The following CPVL variants were observed in gnomAD, a reference collection of about 807,000 sequenced individuals.
CPVL encodes the protein probable serine carboxypeptidase CPVL.
Under a neutral mutation model 63.7 loss-of-function variants are expected in CPVL, and 51 were observed. The observed-to-expected ratio is 0.80, with a 90% CI of 0.64 to 1.01. CPVL has a LOEUF of 1.01. Ranked by LOEUF, CPVL falls within the 50% of genes least tolerant of loss-of-function variation. The pLI, the probability that CPVL is intolerant of heterozygous loss-of-function variation, is 0.00. For missense variants in CPVL, 530 were observed against 573.1 expected (o/e 0.92, Z 0.77); for synonymous variants, 195 against 206.0 (o/e 0.95, Z 0.46).
chr7:29,155,514 T>G (rs1487294087), intron 5 of CPVL, among the ~76,000 whole-genome samples: 3 of 152,160 alleles, frequency 2.0e-5, no homozygotes, highest in Non-Finnish European at 4.4e-5. Flanking sequence ...ATAGAGATGT[T>G]CAAACATGTG....
chr7:29,176,364 GA>G (rs979527259), intron 5 of CPVL, among the ~76,000 whole-genome samples: 3 of 150,620 alleles, frequency 2.0e-5, no homozygotes, highest in Admixed American at 6.6e-5. Context: ...AGAGGAAAAA[GA>G]AAAAAAAATG....
intron 1 of CPVL, among the ~76,000 whole-genome samples, chr7:29,143,513 G>A (rs967886061): frequency 1.6e-4 from 25 of 152,250 alleles, no homozygotes; most frequent in Non-Finnish European, 2.6e-4. Flanking sequence ...CTTGGGACCT[G>A]GGTTACATTC....
At chr7:29,008,967 G>A (rs1785498250) in intron 12 of CPVL, 1 of 151,990 alleles carries the variant, frequency 6.6e-6, no homozygotes, top group African/African-American at 2.4e-5. Context: ...TTATTTACTT[G>A]CTGCTTCTTA....
intron 3 of CPVL, among the ~76,000 whole-genome samples, chr7:29,103,693 A>G (rs1282088366): frequency 6.6e-6 from 1 of 152,188 alleles, no homozygotes; most frequent in Non-Finnish European, 1.5e-5. Flanking sequence ...GACTGGTTAC[A>G]TATCCCTAGC....
rs137876376 is a variant in CPVL, at chr7:29,136,276, T to C, written c.-11+10153A>G. 1.9e-3 allele frequency among the ~76,000 whole-genome samples: 282 copies of C among 152,214 alleles called. 1 individual carries two copies. The highest frequency in any genetic ancestry group is 5.8e-3 in the African/African-American group (241 of 41,540). ...GAAGTTATAAGAGTGATAGAGAAAA[T>C]AGAACAATCCAAAGAGGAAATTTTT... is the stretch of plus-strand genomic sequence containing the variant. On this transcript the variant is annotated intron_variant, in intron 1 of 12. Coordinates refer to ENST00000265394, the MANE Select transcript of CPVL (RefSeq NM_031311.5).
intron 12 of CPVL, among the ~76,000 whole-genome samples, chr7:29,014,972 T>C (rs1219907574): frequency 6.6e-6 from 1 of 152,260 alleles, no homozygotes; most frequent in Non-Finnish European, 1.5e-5. Flanking sequence ...CTGTCATTCC[T>C]TCTGTGGACT....
intron 8 of CPVL, 60 bp downstream of exon 8, chr7:29,072,241 G>A (rs755123714): frequency 2.1e-4 from 329 of 1,584,404 alleles, no homozygotes; most frequent in Non-Finnish European, 2.8e-4. Flanking sequence ...CCTTCCATCT[G>A]ATAAAAAGGC....
chr7:29,176,759 G>A (rs571971564), intron 5 of CPVL, among the ~76,000 whole-genome samples: 1 of 152,206 alleles, frequency 6.6e-6, no homozygotes, highest in Admixed American at 6.5e-5. Flanking sequence ...CTAACTTCTG[G>A]TGTTTAAAAA....
At chr7:29,155,344 A>C (rs906310067) in intron 5 of CPVL, among the ~76,000 whole-genome samples, 3 of 152,254 alleles carry the variant, frequency 2.0e-5, no homozygotes. Context: ...GCTAAGAGGA[A>C]AGACAAGGCT....
At chr7:29,176,132 G>A (rs750697713) in intron 5 of CPVL, among the ~76,000 whole-genome samples, 5 of 151,768 alleles carry the variant, frequency 3.3e-5, no homozygotes, top group African/African-American at 9.7e-5. Flanking sequence ...CTTACAGTGA[G>A]CCAAGATCGC....
intron 11 of CPVL, among the ~76,000 whole-genome samples, chr7:29,045,452 A>G (rs1194066543): frequency 6.6e-6 from 1 of 152,214 alleles, no homozygotes; most frequent in African/African-American, 2.4e-5. Context: ...GTTACATAAA[A>G]TAAATGTCCT....
intron 5 of CPVL, among the ~76,000 whole-genome samples, chr7:29,168,638 C>T (rs1017046896): frequency 1.3e-5 from 2 of 152,196 alleles, no homozygotes; most frequent in Non-Finnish European, 2.9e-5. Context: ...ATCCCCCAAC[C>T]TGTATAGGCT....
At chr7:29,130,402 T>C (rs1790562999) in intron 1 of CPVL, among the ~76,000 whole-genome samples, 2 of 152,226 alleles carry the variant, frequency 1.3e-5, no homozygotes, top group Admixed American at 1.3e-4. Context: ...TTTTATAATA[T>C]AGACAGATTT....
At chr7:29,114,300 A>G (rs1211882757) in intron 2 of CPVL, among the ~76,000 whole-genome samples, 1 of 152,148 alleles carries the variant, frequency 6.6e-6, no homozygotes, top group African/African-American at 2.4e-5. Context: ...TCTCATTCCC[A>G]CTTTACAGAT....
intron 9 of CPVL, among the ~76,000 whole-genome samples, chr7:29,070,055 C>T (rs1047759529): frequency 6.6e-6 from 1 of 152,126 alleles, no homozygotes; most frequent in African/African-American, 2.4e-5. Flanking sequence ...GTTTACTGTC[C>T]TAAGTATCAT....
At chr7:29,095,008 T>C in intron 5 of CPVL, 76 bp downstream of exon 5, 1 of 1,002,730 alleles carries the variant, frequency 1.0e-6, no homozygotes, top group Non-Finnish European at 1.5e-6. Flanking sequence ...ATTTTTTAAA[T>C]GTACTTAATA....
At chr7:29,007,573 T>C (rs1309589012) in intron 12 of CPVL, among the ~76,000 whole-genome samples, 1 of 152,228 alleles carries the variant, frequency 6.6e-6, no homozygotes, top group African/African-American at 2.4e-5. Flanking sequence ...TCATTTTTTC[T>C]CCCATGCAAC....
At position 29,065,982 on chromosome 7, in the gene CPVL, G is replaced by C. The variant is rs1223589023; in HGVS notation, c.963+41C>G. On this transcript the variant is annotated intron_variant, in intron 10 of 12. Coordinates refer to ENST00000265394, the MANE Select transcript of CPVL (RefSeq NM_031311.5). The stretch of plus-strand genomic sequence containing the variant: ...CAAAGGAAGTTCGGTTTTGCCAAAA[G>C]TTTTAAGCAAACATTATTATGGTTT... The C allele has an allele frequency of 5.4e-6, 7 of 1,299,158 alleles. No individual in the cohort carries two copies. The African/African-American group carries it at 8.9e-5, about 17-fold the overall frequency. 80.5% of individuals were successfully genotyped at this position (1,299,158 alleles called of 1,614,324 possible). A position where few individuals can be genotyped will look rare whatever the true frequency, so the allele number is the denominator to read the frequency against.
chr7:29,051,954 A>ATG (rs1175793608), intron 11 of CPVL, among the ~76,000 whole-genome samples: 1 of 149,738 alleles, frequency 6.7e-6, no homozygotes, highest in Non-Finnish European at 1.5e-5. Flanking sequence ...ATGAATATAT[A>ATG]TATATGAATA....
Sources: allele counts gnomAD v4.1 joint callset (sites outside exome capture counted in the v4.1 genomes callset), GRCh38; gene constraint gnomAD v4.1.1; transcripts MANE v1.5; gene names NCBI Gene and HGNC (gene_info 2026-07-23, HGNC 2026-07-21).